Variants in MYO5B observed in about 807,000 individuals in gnomAD.
MYO5B encodes unconventional myosin-Vb.
Under a neutral mutation model 229.3 loss-of-function variants are expected in MYO5B, and 143 were observed. The observed-to-expected ratio is 0.62, with a 90% CI of 0.54 to 0.72. The LOEUF (loss-of-function observed/expected upper bound fraction) is 0.72. Ranked by LOEUF, MYO5B falls within the 30% of genes least tolerant of loss-of-function variation. The pLI, the probability that MYO5B is intolerant of heterozygous loss-of-function variation, is 0.00. For synonymous variants in MYO5B, 918 were observed against 885.2 expected (o/e 1.04, Z -0.66); for missense variants, 2,321 against 2,331.0 (o/e 1.00, Z 0.09).
chr18:49,906,353 G>A, intron 19 of MYO5B, 66 bp downstream of exon 19: 1 of 1,502,534 alleles, frequency 6.7e-7, no homozygotes, highest in Non-Finnish European at 9.2e-7. Context: ...CCAAGTAGCT[G>A]AGAAAGGCAG....
chr18:50,090,700 C>A (rs1386797691), intron 1 of MYO5B, among the ~76,000 whole-genome samples: 1 of 152,206 alleles, frequency 6.6e-6, no homozygotes, highest in Non-Finnish European at 1.5e-5. Flanking sequence ...AGTTCCCTAG[C>A]ACTTTTGTAC....
At chr18:49,984,035 C>G (rs866308125) in intron 8 of MYO5B, among the ~76,000 whole-genome samples, 1 of 152,162 alleles carries the variant, frequency 6.6e-6, no homozygotes, top group Non-Finnish European at 1.5e-5. Flanking sequence ...GCTGACTTCT[C>G]GAGCTTTCCT....
At chr18:49,856,658 C>G (rs1230158307) in intron 30 of MYO5B, among the ~76,000 whole-genome samples, 155 bp downstream of exon 30, 4 of 152,340 alleles carry the variant, frequency 2.6e-5, no homozygotes, top group Non-Finnish European at 5.9e-5. Flanking sequence ...AGCCTGGGCA[C>G]AGTGACAGAT....
chr18:50,088,204 T>C (rs1003967814), intron 1 of MYO5B, among the ~76,000 whole-genome samples: 1 of 152,140 alleles, frequency 6.6e-6, no homozygotes, highest in African/African-American at 2.4e-5. Flanking sequence ...GTCAGGATTA[T>C]AGGTGGACCA....
intron 18 of MYO5B, among the ~76,000 whole-genome samples, chr18:49,908,766 T>G (rs2024927370): frequency 1.3e-5 from 2 of 152,194 alleles, no homozygotes; most frequent in African/African-American, 4.8e-5. Flanking sequence ...GTAGGGTCCA[T>G]GTAATGCACT....
chr18:50,005,861 C>T (rs2026095740), intron 4 of MYO5B, among the ~76,000 whole-genome samples: 1 of 152,202 alleles, frequency 6.6e-6, no homozygotes, highest in African/African-American at 2.4e-5. Flanking sequence ...GCAGTCCTGT[C>T]CATGTCCAAT....
chr18:50,025,641 C>A (rs1404950419), intron 4 of MYO5B, among the ~76,000 whole-genome samples: 1 of 152,182 alleles, frequency 6.6e-6, no homozygotes, highest in Admixed American at 6.5e-5. Context: ...CAGTGCAGTG[C>A]TCTTTAACCC....
At chr18:50,009,404 T>C (rs1234568851) in intron 4 of MYO5B, among the ~76,000 whole-genome samples, 1 of 152,100 alleles carries the variant, frequency 6.6e-6, no homozygotes, top group Non-Finnish European at 1.5e-5. Context: ...CAACTCAATA[T>C]GGTATATTTT....
chr18:49,981,772 C>T (rs1478531891), intron 8 of MYO5B, among the ~76,000 whole-genome samples: 2 of 152,118 alleles, frequency 1.3e-5, no homozygotes, highest in African/African-American at 2.4e-5. Context: ...TATTTGAATA[C>T]GTGGTATTAG....
intron 1 of MYO5B, among the ~76,000 whole-genome samples, chr18:50,190,182 C>G (rs760990179): frequency 7.9e-5 from 12 of 152,166 alleles, no homozygotes; most frequent in Non-Finnish European, 1.5e-4. Context: ...CCAAGTAACT[C>G]TTCTATAGAT....
At chr18:49,866,335 C>A (rs973206789) in intron 27 of MYO5B, among the ~76,000 whole-genome samples, 98 of 152,218 alleles carry the variant, frequency 6.4e-4, no homozygotes, top group African/African-American at 2.3e-3. Flanking sequence ...TCCCAAAGTG[C>A]TGGGATTACA....
At chr18:50,186,730 T>C (rs1442815279) in intron 1 of MYO5B, among the ~76,000 whole-genome samples, 1 of 152,168 alleles carries the variant, frequency 6.6e-6, no homozygotes, top group African/African-American at 2.4e-5. Context: ...TGGATTAGGA[T>C]TATAAGCCTC....
chr18:49,829,609 A>G (rs1343559491), intron 39 of MYO5B, among the ~76,000 whole-genome samples: 2 of 152,248 alleles, frequency 1.3e-5, no homozygotes, highest in Non-Finnish European at 2.9e-5. Flanking sequence ...TGAGGCCAGT[A>G]TAACCCTAAT....
Position 50,001,307 on chromosome 18 carries a change from G to GC in MYO5B, c.559dup (p.Ala187GlyfsTer3), listed in dbSNP as rs1270284307. ...CTTCTCTTCGATGTTGGTTTCACTGGCCGAGCCACCAACGGTGGCGAAATA... is the reference window on the plus strand; with the variant it reads ...CTTCTCTTCGATGTTGGTTTCACTGGCCCGAGCCACCAACGGTGGCGAAATA... On this transcript the variant is annotated frameshift_variant, in exon 5 of 40. Transcript: ENST00000285039. LOFTEE classifies it high-confidence loss of function. 6.2e-7 allele frequency: 1 copy of GC among 1,614,056 alleles called. No individual in the cohort carries two copies. The highest frequency in any genetic ancestry group is 1.3e-5 in the African/African-American group (1 of 74,932).
chr18:49,931,437 G>A (rs753362389), intron 16 of MYO5B, among the ~76,000 whole-genome samples: 28 of 152,128 alleles, frequency 1.8e-4, no homozygotes, highest in African/African-American at 5.6e-4. Flanking sequence ...AACAGCCCAC[G>A]GCACTGAGCA....
intron 35 of MYO5B, chr18:49,840,339 G>A (rs990367994): frequency 2.0e-5 from 3 of 152,078 alleles, no homozygotes; most frequent in African/African-American, 2.4e-5. Context: ...TTTAACCTTT[G>A]GCCCATCTCT....
intron 4 of MYO5B, among the ~76,000 whole-genome samples, chr18:50,009,657 A>G (rs561769883): frequency 7.2e-5 from 11 of 152,318 alleles, no homozygotes; most frequent in African/African-American, 1.7e-4. Flanking sequence ...GAAAACTACC[A>G]TAAGTCAGAT....
At chr18:49,907,433 G>A (rs749898710) in intron 18 of MYO5B, among the ~76,000 whole-genome samples, 8 of 152,222 alleles carry the variant, frequency 5.3e-5, no homozygotes, top group Middle Eastern at 6.8e-3. Context: ...CCCTTCCCTG[G>A]GCTCACCCCT....
At chr18:50,043,107 A>C (rs1239510159) in intron 2 of MYO5B, among the ~76,000 whole-genome samples, 1 of 151,272 alleles carries the variant, frequency 6.6e-6, no homozygotes, top group Non-Finnish European at 1.5e-5. Context: ...AAAAGAAGTC[A>C]TTACATGAAA....
Sources: allele counts gnomAD v4.1 joint callset (sites outside exome capture counted in the v4.1 genomes callset), GRCh38; gene constraint gnomAD v4.1.1; transcripts MANE v1.5; gene names NCBI Gene and HGNC (gene_info 2026-07-23, HGNC 2026-07-21).